Variants in EEF1AKMT2 observed in about 807,000 individuals in gnomAD.
EEF1AKMT2 encodes the protein eukaryotic translation elongation factor 1 alpha lysine methyltransferase 2.
Under a neutral mutation model 35.8 loss-of-function variants are expected in EEF1AKMT2, and 32 were observed. That is an observed-to-expected ratio of 0.89 (90% CI 0.67 to 1.20). The LOEUF (loss-of-function observed/expected upper bound fraction) is 1.20, where lower values mean the gene tolerates loss of function less well. EEF1AKMT2 is among the 50% of genes most tolerant of loss of function. EEF1AKMT2 has a pLI of 0.00. For missense variants in EEF1AKMT2, 330 were observed against 347.5 expected, an observed-to-expected ratio of 0.95 and a Z score of 0.40; for synonymous variants, 121 against 133.7, an observed-to-expected ratio of 0.91 and a Z score of 0.65.
intron 3 of EEF1AKMT2, among the ~76,000 whole-genome samples, chr10:124,785,869 C>A (rs1246302901): frequency 7.9e-6 from 1 of 127,286 alleles, no homozygotes; most frequent in East Asian, 2.4e-4. Flanking sequence ...GCACTCCAGC[C>A]TGGGCAACAG....
chr10:124,765,803 AAG>A, intron 4 of EEF1AKMT2, 195 bp from the exon 5 acceptor site: 1 of 523,338 alleles, frequency 1.9e-6, no homozygotes, highest in Non-Finnish European at 3.4e-6. Flanking sequence ...CAAGATTAAT[AAG>A]AGAGACTGGT....
Position 124,762,478 on chromosome 10 carries a change from G to C in EEF1AKMT2, c.697C>G (p.Arg233Gly), listed in dbSNP as rs191386092. The change falls in exon 6 of 7, where the codon CGA (arginine) becomes GGA (glycine). Residue 233 changes from arginine (R) to glycine (G), a missense_variant. Coordinates refer to ENST00000368836, the MANE Select transcript of EEF1AKMT2 (RefSeq NM_212554.4). ...AQAIFSTSAS[R>G]VGGTTGTHHH... ...TGTGTGCCTGTAGTTCCACCTACTC[G>C]GGAGGCTGAAGTGGAAAAGATCGCT... The C allele has an allele frequency of 7.7e-7, 1 of 1,293,476 alleles. No individual in the cohort carries two copies. The highest frequency in any genetic ancestry group is 1.0e-6 in the Non-Finnish European group (1 of 981,388). The allele number at this position is 1,293,476 out of a possible 1,614,324, so 80.1% of individuals were successfully genotyped here.
chr10:124,768,733 G>GA (rs1266714797), intron 4 of EEF1AKMT2, among the ~76,000 whole-genome samples: 1 of 151,896 alleles, frequency 6.6e-6, no homozygotes, highest in East Asian at 1.9e-4. Context: ...CTGGGCAACA[G>GA]AAAAAGCCTC....
At chr10:124,785,486 A>G (rs975949212) in intron 3 of EEF1AKMT2, among the ~76,000 whole-genome samples, 1 of 152,160 alleles carries the variant, frequency 6.6e-6, no homozygotes, top group African/African-American at 2.4e-5. Context: ...ACATCTGCAA[A>G]TCTTGTACCT....
At chr10:124,761,088 G>GAC (rs1950327980) in intron 6 of EEF1AKMT2, among the ~76,000 whole-genome samples, 1 of 152,212 alleles carries the variant, frequency 6.6e-6, no homozygotes, top group East Asian at 1.9e-4. Context: ...GGCTGGTCTG[G>GAC]AACGCCTGAT....
At chr10:124,757,440 A>C (rs1278145694), downstream of EEF1AKMT2, among the ~76,000 whole-genome samples, 1 of 152,198 alleles carries the variant, frequency 6.6e-6, no homozygotes, top group Non-Finnish European at 1.5e-5. Context: ...AATTACTTAA[A>C]AGAACATAGA....
At chr10:124,772,917 C>T (rs1236675063) in intron 4 of EEF1AKMT2, among the ~76,000 whole-genome samples, 1 of 152,088 alleles carries the variant, frequency 6.6e-6, no homozygotes, top group East Asian at 1.9e-4. Flanking sequence ...AAACTTTCTC[C>T]GTAACAGCAA....
chr10:124,784,366 G>A (rs572348813), intron 3 of EEF1AKMT2, among the ~76,000 whole-genome samples: 1 of 151,750 alleles, frequency 6.6e-6, no homozygotes, highest in South Asian at 2.1e-4. Flanking sequence ...AGAAAAATTA[G>A]AAAATATTTT....
At chr10:124,762,683 CATA>C (rs1471952117) in intron 5 of EEF1AKMT2, 125 bp from the exon 6 acceptor site, 6 of 460,972 alleles carry the variant, frequency 1.3e-5, no homozygotes, top group Admixed American at 5.3e-5. Context: ...TTCACCAAAT[CATA>C]ATAACCGAAT....
intron 1 of EEF1AKMT2, among the ~76,000 whole-genome samples, chr10:124,791,136 G>C (rs1444005078): frequency 6.6e-6 from 1 of 151,708 alleles, no homozygotes; most frequent in Non-Finnish European, 1.5e-5. Flanking sequence ...CTCTCATCCC[G>C]CCAATTTACC....
intron 3 of EEF1AKMT2, among the ~76,000 whole-genome samples, chr10:124,786,752 G>A (rs1950587996): frequency 6.6e-6 from 1 of 151,948 alleles, no homozygotes; most frequent in African/African-American, 2.4e-5. Flanking sequence ...AGAGGCTGCA[G>A]TGAGCTGAGA....
At chr10:124,782,872 A>G (rs1950554737) in intron 3 of EEF1AKMT2, 2 of 303,424 alleles carry the variant, frequency 6.6e-6, no homozygotes, top group Non-Finnish European at 1.3e-5. Flanking sequence ...CTAAATCCAA[A>G]CGTATCAATA....
At position 124,785,574 on chromosome 10, in the gene EEF1AKMT2, A is replaced by T. The variant is rs137996202; in HGVS notation, c.291+3469T>A. 1.4e-3 allele frequency among the ~76,000 whole-genome samples: 219 copies of T among 152,220 alleles called. 2 individuals are homozygous for T. The highest frequency in any genetic ancestry group is 5.2e-3 in the African/African-American group (214 of 41,548). Reference sequence around the variant, plus strand: ...AAACAATCCAATTTAAAAATGGGCAAAAGATCTGAAGAGACATTTTACTAA... The same window carrying T: ...AAACAATCCAATTTAAAAATGGGCATAAGATCTGAAGAGACATTTTACTAA... On this transcript the variant is annotated intron_variant, in intron 3 of 6. Coordinates refer to ENST00000368836, the MANE Select transcript of EEF1AKMT2 (RefSeq NM_212554.4).
rs1217236150 is a variant in EEF1AKMT2 at position 124,759,761 on chromosome 10, A to G, written c.*742T>C. On this transcript the variant is annotated 3_prime_UTR_variant, in exon 7 of 7. Transcript: ENST00000368836. The stretch of plus-strand genomic sequence containing the variant: ...AGACAACTTAACATAGCGCTAGCAA[A>G]TAATAACATTCCTTAGTTCTCTTTC... The G allele has an allele frequency of 6.6e-6, 1 of 152,252 alleles. No homozygotes were observed. The highest frequency in any genetic ancestry group is 1.9e-4 in the East Asian group (1 of 5,200). The allele number at this position is 152,252 out of a possible 1,614,324, so 9.4% of individuals were successfully genotyped here. A position where few individuals can be genotyped will look rare whatever the true frequency, so the allele number is the denominator to read the frequency against.
Position 124,760,439 on chromosome 10 carries a change from A to G in EEF1AKMT2, c.*64T>C. 7 of 1,613,912 alleles carry G rather than the reference A, an allele frequency of 4.3e-6. No homozygotes were observed. Among genetic ancestry groups the G allele is most frequent in the Non-Finnish European group, 5.9e-6 (7 of 1,179,826 alleles). On this transcript the variant is annotated 3_prime_UTR_variant, in exon 7 of 7. Coordinates refer to ENST00000368836, the MANE Select transcript of EEF1AKMT2 (RefSeq NM_212554.4). ...TTTTTTGGAAAACCAATGCTGCTAC[A>G]CTGTTTCCAGATCTGCCTCCAAAGC...
chr10:124,765,509 T>C lies in EEF1AKMT2; in HGVS notation c.499A>G (p.Ile167Val), dbSNP rs756738117. ...TTCACATATTGCTTCCTCTTCTCAA[T>C]TGCATTGTCAGGATTAAGGCTTATG... Reference protein sequence around the residue: ...DAISLNPDNAIEKRKQYVKSL... With the variant: ...DAISLNPDNAVEKRKQYVKSL... Residue 167 changes from isoleucine (I) to valine (V), a missense_variant, in exon 5 of 7, where the codon ATT becomes GTT. By Grantham distance (29) the Ile-to-Val change is conservative. Transcript: ENST00000368836. 2 of 1,614,020 alleles carry C rather than the reference T, an allele frequency of 1.2e-6. No homozygotes were observed. The highest frequency in any genetic ancestry group is 1.1e-5 in the South Asian group (1 of 91,084).
intron 3 of EEF1AKMT2, among the ~76,000 whole-genome samples, chr10:124,787,000 G>A (rs1256559432): frequency 4.7e-5 from 7 of 148,736 alleles, no homozygotes; most frequent in Admixed American, 6.7e-5. Flanking sequence ...TCACTCTGTC[G>A]CCCAGGCTGA....
intron 4 of EEF1AKMT2, among the ~76,000 whole-genome samples, chr10:124,773,679 G>A (rs889380636): frequency 6.6e-6 from 1 of 152,132 alleles, no homozygotes; most frequent in African/African-American, 2.4e-5. Flanking sequence ...ACCATCTTAC[G>A]TGGGCACAGT....
chr10:124,777,029 T>C (rs1343705491), intron 3 of EEF1AKMT2, among the ~76,000 whole-genome samples: 2 of 151,832 alleles, frequency 1.3e-5, no homozygotes, highest in South Asian at 4.2e-4. Flanking sequence ...CTTGTAATCC[T>C]ATCATTTTGG....
Sources: gnomAD v4.1 joint callset for allele counts (sites outside exome capture counted in the v4.1 genomes callset) on GRCh38, gnomAD v4.1.1 for gene constraint, MANE v1.5 for transcripts, NCBI Gene and HGNC (gene_info 2026-07-23, HGNC 2026-07-21) for gene names.